QPCTL: variants seen among roughly 807,000 people sequenced by gnomAD.
QPCTL encodes the protein glutaminyl-peptide cyclotransferase like, also known as glutaminyl-peptide cyclotransferase-like protein.
In QPCTL, 31 loss-of-function variants were observed where a neutral mutation model predicts 34.6. The ratio of observed to expected loss-of-function variants is 0.90; its 90% CI spans 0.67 to 1.21. QPCTL has a LOEUF of 1.21. QPCTL is among the 50% of genes most tolerant of loss of function. The pLI is 0.00. For missense variants in QPCTL, 474 were observed against 507.8 expected (o/e 0.93, Z 0.64); for synonymous variants, 223 against 226.9 (o/e 0.98, Z 0.15).
At position 45,703,817 on chromosome 19, in the gene QPCTL, G is replaced by T. The variant is rs184031930; in HGVS notation, c.*768G>T. 6.6e-6 allele frequency: 1 copy of T among 152,018 alleles called. No individual in the cohort carries two copies. The highest frequency in any genetic ancestry group is 2.1e-4 in the South Asian group (1 of 4,828). 9.4% of individuals were successfully genotyped at this position (152,018 alleles called of 1,614,324 possible). Reference sequence around the variant, plus strand: ...AAAATACAATAATTAGCTGGGCATGGTGGTGGGCGCCTGTAATCTCAGCTG... The same window carrying T: ...AAAATACAATAATTAGCTGGGCATGTTGGTGGGCGCCTGTAATCTCAGCTG... On this transcript the variant is annotated 3_prime_UTR_variant, in exon 7 of 7. Transcript: ENST00000012049.
rs540460807 is a variant in QPCTL, at chr19:45,692,716, G to A, written c.13G>A (p.Gly5Ser). 103 of 1,551,370 alleles carry A rather than the reference G, an allele frequency of 6.6e-5. No individual in the cohort carries two copies. In the South Asian group the frequency reaches 1.1e-3, roughly 17 times the overall value. The change falls in exon 1 of 7, where the codon GGC becomes AGC. Residue 5 changes from glycine (G) to serine (S), a missense_variant. Transcript: ENST00000012049. MRSG[G>S]RGRPRLRLGE... Reference sequence around the variant, plus strand: ...GGGCAAAGCGGCCATGCGTTCCGGGGGCCGCGGGCGACCCCGCCTGCGGCT... The same window carrying A: ...GGGCAAAGCGGCCATGCGTTCCGGGAGCCGCGGGCGACCCCGCCTGCGGCT...
intron 5 of QPCTL, among the ~76,000 whole-genome samples, chr19:45,700,821 T>C (rs1967795590): frequency 6.6e-6 from 1 of 151,882 alleles, no homozygotes; most frequent in Non-Finnish European, 1.5e-5. Context: ...TAGCTGGGTG[T>C]GGTGGTGGGC....
At position 45,698,623 on chromosome 19, in the gene QPCTL, T is replaced by C. The variant is rs779457237; in HGVS notation, c.710T>C (p.Leu237Pro). ...ALKEWGPKDS[L>P]YGSRHLAQLM... The stretch of plus-strand genomic sequence containing the variant: ...AAGGAGTGGGGACCCAAGGACTCCC[T>C]TTACGGTTCCCGGCACCTGGCCCAG... The change falls in exon 4 of 7, where the codon CTT becomes CCT. Residue 237 changes from leucine (L) to proline (P), a missense_variant. Coordinates refer to ENST00000012049, the MANE Select transcript of QPCTL (RefSeq NM_017659.4). 6.2e-7 allele frequency: 1 copy of C among 1,614,150 alleles called. No homozygotes were observed. Among genetic ancestry groups the C allele is most frequent in the Non-Finnish European group, 8.5e-7 (1 of 1,180,026 alleles).
rs11672416 is a variant in QPCTL, at chr19:45,703,167, T to C, written c.*118T>C. On this transcript the variant is annotated 3_prime_UTR_variant, in exon 7 of 7. Transcript: ENST00000012049. ...GGTTTGTCCTTTTCATACCTTTGTCTCCTAATTGTGCTACAATTGGAAGAC... is the reference window on the plus strand; with the variant it reads ...GGTTTGTCCTTTTCATACCTTTGTCCCCTAATTGTGCTACAATTGGAAGAC... 0.11 allele frequency: 142,067 copies of C among 1,279,536 alleles called. 8,777 individuals are homozygous for C. The highest frequency in any genetic ancestry group is 0.13 in the Middle Eastern group (658 of 5,126). The allele number at this position is 1,279,536 out of a possible 1,614,324, so 79.3% of individuals were successfully genotyped here.
At chr19:45,695,238 A>T (rs1265167907) in intron 2 of QPCTL, among the ~76,000 whole-genome samples, 199 bp from the exon 3 acceptor site, 1 of 151,950 alleles carries the variant, frequency 6.6e-6, no homozygotes, top group Non-Finnish European at 1.5e-5. Flanking sequence ...GTGAGCCAAG[A>T]TCAAGCCACT....
chr19:45,698,484 G>C, intron 3 of QPCTL, 63 bp from the exon 4 acceptor site: 1 of 1,592,572 alleles, frequency 6.3e-7, no homozygotes, highest in Non-Finnish European at 8.6e-7. Flanking sequence ...AAGAAGTGTG[G>C]GTATGTTGAG....
chr19:45,700,447 A>C (rs1444273031), intron 5 of QPCTL, among the ~76,000 whole-genome samples: 1 of 151,796 alleles, frequency 6.6e-6, no homozygotes, highest in Non-Finnish European at 1.5e-5. Flanking sequence ...CTGTCACTAA[A>C]TAAATAAATA....
rs1041636418 is a variant in QPCTL, at chr19:45,697,404, C to T, written c.634-1143C>T. Among the ~76,000 whole-genome samples the T allele has an allele frequency of 2.3e-4, 31 of 133,848 alleles. No individual in the cohort carries two copies. The Admixed American group carries it at 2.4e-3, about 11-fold the overall frequency. The allele number at this position is 133,848 out of a possible 152,430, so 87.8% of individuals were successfully genotyped here. A position where few individuals can be genotyped will look rare whatever the true frequency, so the allele number is the denominator to read the frequency against. On this transcript the variant is annotated intron_variant, in intron 3 of 6. Transcript: ENST00000012049. ...TCGCGCCACTGTACGCCAGCCTGGG[C>T]GATACAGCGAGACTCCGTCTCAAAA... is the stretch of plus-strand genomic sequence containing the variant.
intron 2 of QPCTL, among the ~76,000 whole-genome samples, chr19:45,694,250 G>A (rs2146124077): frequency 6.6e-6 from 1 of 151,984 alleles, no homozygotes; most frequent in Non-Finnish European, 1.5e-5. Context: ...GTGGTGGTGG[G>A]TACCCGTAGT....
In QPCTL at chr19:45,703,016, C is replaced by T. The variant is rs377246897; in HGVS notation, c.1116C>T (p.Leu372=). The change falls in exon 7 of 7, where the codon CTC becomes CTT. Residue 372 remains leucine, a synonymous_variant. Transcript: ENST00000012049. Reference sequence around the variant, plus strand: ...CGGTACACAACTTGTGCCGCATTCTCGCTGTGTTCCTGGCTGAATACCTGG... The same window carrying T: ...CGGTACACAACTTGTGCCGCATTCTTGCTGTGTTCCTGGCTGAATACCTGG... ...PPTVHNLCRI[L]AVFLAEYLGL The T allele has an allele frequency of 2.7e-5, 44 of 1,614,042 alleles. 1 individual carries two copies. Among genetic ancestry groups the T allele is most frequent in the Middle Eastern group, 3.3e-4 (2 of 6,084 alleles).
At chr19:45,700,957 C>CAA (rs773396546) in intron 5 of QPCTL, among the ~76,000 whole-genome samples, 40 of 46,678 alleles carry the variant, frequency 8.6e-4, no homozygotes, top group African/African-American at 2.3e-3. Context: ...GACTCTGTCT[C>CAA]AAAAAAAAAA....
In QPCTL at chr19:45,692,900, G is replaced by T; in HGVS notation, c.197G>T (p.Arg66Leu). Residue 66 changes from arginine to leucine, a missense_variant, in exon 1 of 7, where the codon CGG becomes CTG. Physicochemically the swap from Arg to Leu is moderately radical, Grantham distance 102. Transcript: ENST00000012049. ...HRRTEELPLG[R>L]ELRVPLIGSL... ...AGGACTGAGGAGCTGCCGCTGGGCC[G>T]GGAGCTGCGGGTGAGGCTGGGCGGG... The T allele has an allele frequency of 1.3e-6, 2 of 1,539,672 alleles. No individual in the cohort carries two copies. The highest frequency in any genetic ancestry group is 2.4e-5 in the East Asian group (1 of 40,932).
At chr19:45,697,425 C>CAAA (rs36004965) in intron 3 of QPCTL, among the ~76,000 whole-genome samples, 3 of 129,572 alleles carry the variant, frequency 2.3e-5, no homozygotes, top group Non-Finnish European at 3.3e-5. Flanking sequence ...GACTCCGTCT[C>CAAA]AAAAAAAAAA....
In QPCTL at chr19:45,698,836, C is replaced by G. The variant is rs749159489; in HGVS notation, c.822C>G (p.Pro274=). 3 of 1,613,928 alleles carry G rather than the reference C, an allele frequency of 1.9e-6. No individual in the cohort carries two copies. The Admixed American group carries it at 5.0e-5, about 27-fold the overall frequency. ...LFMLLDLLGA[P]NPTFYSHFPR... is the part of the protein sequence containing the mutation. ...TGCTTCTTGATCTCCTGGGAGCCCCCAATCCCACCTTCTACAGCCACTTCC... is the reference window on the plus strand; with the variant it reads ...TGCTTCTTGATCTCCTGGGAGCCCCGAATCCCACCTTCTACAGCCACTTCC... The change falls in exon 5 of 7, where the codon CCC becomes CCG. Residue 274 remains proline, a synonymous_variant. Transcript: ENST00000012049.
chr19:45,693,398 C>T lies in QPCTL; in HGVS notation c.208-15C>T, dbSNP rs1454712607. On this transcript the variant is annotated splice_polypyrimidine_tract_variant and intron_variant, in intron 1 of 6. Transcript: ENST00000012049. ...GCTCTCATTCTTCCCTTCCCTATCCCACCTCCTTCCCAAGGTCCCATTGAT... is the reference window on the plus strand; with the variant it reads ...GCTCTCATTCTTCCCTTCCCTATCCTACCTCCTTCCCAAGGTCCCATTGAT... 6.2e-7 allele frequency: 1 copy of T among 1,604,884 alleles called. No homozygotes were observed. Among genetic ancestry groups the T allele is most frequent in the Non-Finnish European group, 8.5e-7 (1 of 1,175,108 alleles).
In QPCTL at chr19:45,695,456, G is replaced by T. The variant is rs144811190; in HGVS notation, c.371G>T (p.Arg124Leu). 1 of 1,612,438 alleles carries T rather than the reference G, an allele frequency of 6.2e-7. No individual in the cohort carries two copies. The highest frequency in any genetic ancestry group is 1.7e-5 in the Admixed American group (1 of 59,930). ...QVRKFLEATL[R>L]SLTAGWHVEL... is the part of the protein sequence containing the mutation. ...CGCTAGTTCCTGGAGGCCACGCTGC[G>T]GTCCCTGACAGCAGGTTGGCACGTG... Residue 124 changes from arginine (R) to leucine (L), a missense_variant, in exon 3 of 7, where the codon CGG becomes CTG. Transcript: ENST00000012049.
At chr19:45,693,025 C>A in intron 1 of QPCTL, 115 bp downstream of exon 1, 2 of 1,077,714 alleles carry the variant, frequency 1.9e-6, no homozygotes, top group Non-Finnish European at 2.6e-6. Flanking sequence ...CCGTCTTCGT[C>A]ATCTGAGCGC....
chr19:45,697,357 CAG>C (rs548172167), intron 3 of QPCTL, among the ~76,000 whole-genome samples: 121 of 143,786 alleles, frequency 8.4e-4, no homozygotes, highest in Admixed American at 6.4e-3. Context: ...ACTCGGGAGG[CAG>C]AGTTTGCAGT....
chr19:45,694,928 G>A (rs747964909), intron 2 of QPCTL, among the ~76,000 whole-genome samples: 6 of 152,188 alleles, frequency 3.9e-5, no homozygotes, highest in Middle Eastern at 3.4e-3. Context: ...TTCAAGAGGT[G>A]GGGTCTCCCC....
Sources: gnomAD v4.1 joint callset for allele counts (sites outside exome capture counted in the v4.1 genomes callset) on GRCh38, gnomAD v4.1.1 for gene constraint, MANE v1.5 for transcripts, NCBI Gene and HGNC (gene_info 2026-07-23, HGNC 2026-07-21) for gene names.